The following CELF1 variants were observed in gnomAD, a reference collection of about 807,000 sequenced individuals.
The protein encoded by CELF1 is 50 kDa nuclear polyadenylated RNA-binding protein.
In CELF1, 10 loss-of-function variants were observed where a neutral mutation model predicts 61.8. The ratio of observed to expected loss-of-function variants is 0.16; its 90% CI spans 0.10 to 0.27. CELF1 has a LOEUF of 0.27. CELF1 is among the 10% of genes least tolerant of loss of function. CELF1 has a pLI of 1.00. For synonymous variants in CELF1, 236 were observed against 225.1 expected (o/e 1.05, Z -0.43); for missense variants, 380 against 639.1 (o/e 0.59, Z 4.37).
intron 1 of CELF1, among the ~76,000 whole-genome samples, chr11:47,515,149 T>C (rs1432488684): frequency 6.6e-6 from 1 of 152,254 alleles, no homozygotes; most frequent in Non-Finnish European, 1.5e-5. Context: ...CTAACGCTTC[T>C]ACCTATCATT....
chr11:47,495,505 A>G (rs1200907476), intron 3 of CELF1, among the ~76,000 whole-genome samples: 1 of 152,204 alleles, frequency 6.6e-6, no homozygotes, highest in Non-Finnish European at 1.5e-5. Context: ...TCTGGAATAT[A>G]CTAAAAATCA....
chr11:47,489,935 G>GTTCTTTTTTTTTTTTTT (rs1555170252), intron 3 of CELF1, among the ~76,000 whole-genome samples: 2 of 48,226 alleles, frequency 4.1e-5, no homozygotes, highest in Non-Finnish European at 7.8e-5. Context: ...ATACCATCTT[G>GTTCTTTTTTTTTTTTTT]TTTTTTTTTT....
chr11:47,513,940 T>TTC (rs10689833), intron 1 of CELF1: 5 of 151,024 alleles, frequency 3.3e-5, no homozygotes, highest in African/African-American at 1.2e-4. Flanking sequence ...CCTTTTTTTT[T>TTC]TCCCCCCAGA....
At chr11:47,556,352 T>A (rs547015625), upstream of CELF1, among the ~76,000 whole-genome samples, 2 of 152,112 alleles carry the variant, frequency 1.3e-5, no homozygotes, top group African/African-American at 4.8e-5. Context: ...GTCCAACTAA[T>A]TTTTTTTCTT....
At chr11:47,537,430 G>T (rs2096658037) in intron 1 of CELF1, among the ~76,000 whole-genome samples, 1 of 151,890 alleles carries the variant, frequency 6.6e-6, no homozygotes, top group African/African-American at 2.4e-5. Context: ...GTTATTTTTA[G>T]TAGAGACGGG....
At chr11:47,519,270 A>AG (rs1303460891) in intron 1 of CELF1, among the ~76,000 whole-genome samples, 1 of 151,970 alleles carries the variant, frequency 6.6e-6, no homozygotes, top group Non-Finnish European at 1.5e-5. Flanking sequence ...ACTTGAGGTC[A>AG]GAGTTCGAGA....
At position 47,475,568 on chromosome 11, in the gene CELF1, G is replaced by T. The variant is rs1423066335; in HGVS notation, c.1088-47C>A. 12 of 1,580,222 alleles carry T rather than the reference G, an allele frequency of 7.6e-6. No homozygotes were observed. In the East Asian group the frequency reaches 2.7e-4, roughly 35 times the overall value. Reference sequence around the variant, plus strand: ...ATTAATATACTAGAAAGACTAAACTGATGCCAAAGACAAGTCTACTTGGGA... The same window carrying T: ...ATTAATATACTAGAAAGACTAAACTTATGCCAAAGACAAGTCTACTTGGGA... On this transcript the variant is annotated intron_variant, in intron 12 of 14. Transcript: ENST00000687097.
intron 1 of CELF1, among the ~76,000 whole-genome samples, chr11:47,504,902 C>CAA (rs374401044): frequency 0.032 from 3,494 of 107,810 alleles, 170 homozygotes; most frequent in African/African-American, 0.11. Flanking sequence ...ACTCTGTCAC[C>CAA]AAAAAAAAAA....
chr11:47,472,501 C>T (rs912546831), intron 14 of CELF1, 144 bp from the exon 15 acceptor site: 7 of 863,696 alleles, frequency 8.1e-6, no homozygotes, highest in African/African-American at 5.1e-5. Flanking sequence ...TTATGTCATA[C>T]GAAATAAATT....
intron 1 of CELF1, among the ~76,000 whole-genome samples, chr11:47,501,412 T>A (rs1484886749): frequency 6.6e-6 from 1 of 152,206 alleles, no homozygotes; most frequent in Non-Finnish European, 1.5e-5. Flanking sequence ...ATGGCATGCC[T>A]CTTCCTATAG....
chr11:47,555,825 C>A (rs894499367), upstream of CELF1, among the ~76,000 whole-genome samples: 9 of 151,902 alleles, frequency 5.9e-5, no homozygotes, highest in Non-Finnish European at 1.0e-4. Flanking sequence ...CTGGTGAAAC[C>A]CTGTTTCTAC....
intron 3 of CELF1, chr11:47,495,906 C>G: frequency 1.2e-6 from 1 of 839,726 alleles, no homozygotes; most frequent in Non-Finnish European, 1.4e-6. Flanking sequence ...GTTGACTTCC[C>G]TTTAATTATA....
intron 12 of CELF1, 60 bp downstream of exon 12, chr11:47,476,786 G>A (rs2080408108): frequency 7.7e-7 from 1 of 1,307,020 alleles, no homozygotes; most frequent in Non-Finnish European, 1.1e-6. Flanking sequence ...CCCCTACCAG[G>A]GTTAAGATGT....
intron 1 of CELF1, among the ~76,000 whole-genome samples, chr11:47,548,403 C>A (rs188713964): frequency 6.6e-6 from 1 of 152,256 alleles, no homozygotes; most frequent in South Asian, 2.1e-4. Context: ...ACAATGATTT[C>A]ATGGATATGA....
At chr11:47,504,694 G>C (rs968450985) in intron 1 of CELF1, among the ~76,000 whole-genome samples, 2 of 151,276 alleles carry the variant, frequency 1.3e-5, no homozygotes, top group Admixed American at 6.6e-5. Context: ...CTAAGGTCAG[G>C]AGTTCTAGAC....
intron 3 of CELF1, among the ~76,000 whole-genome samples, chr11:47,491,723 C>T (rs2091554230): frequency 6.6e-6 from 1 of 152,182 alleles, no homozygotes; most frequent in South Asian, 2.1e-4. Flanking sequence ...CGGGCTGTAT[C>T]CACCTCTTCC....
Position 47,506,250 on chromosome 11 carries a change from C to G in CELF1, c.-153-5318G>C, listed in dbSNP as rs1031652720. On this transcript the variant is annotated intron_variant, in intron 1 of 14. Coordinates refer to ENST00000687097, the MANE Select transcript of CELF1 (RefSeq NM_001376376.1). ...GACCATCCTGGCTAACACGATGAAACCCCGTCTCTACTAAAAATACAAAAC... is the reference window on the plus strand; with the variant it reads ...GACCATCCTGGCTAACACGATGAAAGCCCGTCTCTACTAAAAATACAAAAC... 3.3e-5 allele frequency among the ~76,000 whole-genome samples: 5 copies of G among 150,912 alleles called. No individual in the cohort carries two copies. The South Asian group carries it at 1.0e-3, about 32-fold the overall frequency.
chr11:47,530,159 A>G (rs1281187276), intron 1 of CELF1, among the ~76,000 whole-genome samples: 1 of 152,220 alleles, frequency 6.6e-6, no homozygotes, highest in Non-Finnish European at 1.5e-5. Context: ...ACATATGTGC[A>G]ATGTGGGCGA....
intron 1 of CELF1, among the ~76,000 whole-genome samples, chr11:47,531,108 A>G (rs1334463755): frequency 6.6e-6 from 1 of 152,034 alleles, no homozygotes; most frequent in African/African-American, 2.4e-5. Flanking sequence ...TTACCCAGGC[A>G]TGGTGGTAGA....
Sources: gnomAD v4.1 joint callset for allele counts (sites outside exome capture counted in the v4.1 genomes callset) on GRCh38, gnomAD v4.1.1 for gene constraint, MANE v1.5 for transcripts, NCBI Gene and HGNC (gene_info 2026-07-23, HGNC 2026-07-21) for gene names.